The following ANKS1B variants were observed in gnomAD, a reference collection of about 807,000 sequenced individuals.
ANKS1B encodes ankyrin repeat and sterile alpha motif domain containing 1B, also known as ankyrin repeat and sterile alpha motif domain-containing protein 1B.
In ANKS1B, 36 loss-of-function variants were observed where a neutral mutation model predicts 148.3. The observed-to-expected ratio is 0.24, with a 90% CI of 0.19 to 0.32. The LOEUF (loss-of-function observed/expected upper bound fraction) is 0.32, where lower values mean the gene tolerates loss of function less well. ANKS1B is among the 10% of genes least tolerant of loss of function. The pLI is 1.00. For synonymous variants in ANKS1B, 542 were observed against 560.8 expected (o/e 0.97, Z 0.47); for missense variants, 1,157 against 1,542.6 (o/e 0.75, Z 4.19).
At chr12:99,487,115 A>G (rs1006093228) in intron 10 of ANKS1B, among the ~76,000 whole-genome samples, 10 of 152,220 alleles carry the variant, frequency 6.6e-5, no homozygotes, top group African/African-American at 1.9e-4. Context: ...AGGAAACTTC[A>G]TATCAGCAGA....
chr12:99,554,818 A>G (rs548996630), intron 9 of ANKS1B, among the ~76,000 whole-genome samples: 1 of 152,200 alleles, frequency 6.6e-6, no homozygotes, highest in East Asian at 1.9e-4. Flanking sequence ...TTAATATCCA[A>G]TTGGTAGTTT....
chr12:99,234,122 C>T (rs1244197984), intron 14 of ANKS1B, among the ~76,000 whole-genome samples: 1 of 152,090 alleles, frequency 6.6e-6, no homozygotes, highest in Non-Finnish European at 1.5e-5. Context: ...AGGCATAGCA[C>T]TTGACTTAGT....
intron 1 of ANKS1B, among the ~76,000 whole-genome samples, chr12:99,944,759 C>A (rs949294651): frequency 7.9e-5 from 12 of 152,124 alleles, no homozygotes; most frequent in African/African-American, 2.7e-4. Flanking sequence ...AGAATGATAC[C>A]TAGAAATATT....
intron 17 of ANKS1B, among the ~76,000 whole-genome samples, chr12:98,892,445 C>A (rs573686985): frequency 6.6e-6 from 1 of 152,264 alleles, no homozygotes; most frequent in African/African-American, 2.4e-5. Context: ...TCAATTTATA[C>A]CCTATTTCGA....
At chr12:99,109,400 T>C (rs2059846838) in intron 15 of ANKS1B, among the ~76,000 whole-genome samples, 1 of 151,874 alleles carries the variant, frequency 6.6e-6, no homozygotes, top group Admixed American at 6.6e-5. Context: ...TGCAGCAGAG[T>C]ATGGCAGAAC....
At chr12:99,389,042 A>T (rs536235634) in intron 12 of ANKS1B, among the ~76,000 whole-genome samples, 1 of 152,322 alleles carries the variant, frequency 6.6e-6, no homozygotes, top group East Asian at 1.9e-4. Context: ...ACTCAAAAGA[A>T]GGACCTCACA....
intron 1 of ANKS1B, among the ~76,000 whole-genome samples, chr12:99,928,371 C>T (rs986608494): frequency 6.6e-6 from 1 of 150,424 alleles, no homozygotes; most frequent in Non-Finnish European, 1.5e-5. Context: ...CTCCGCTTCC[C>T]GGGTTCACGC....
chr12:98,735,739 A>AACAC (rs2153347255), intron 9 of ANKS1B: 1 of 540,874 alleles, frequency 1.8e-6, no homozygotes, highest in Non-Finnish European at 3.5e-6. Flanking sequence ...AGGTATTGGG[A>AACAC]ACACAGGAGT....
chr12:99,267,493 G>T (rs1268151956), intron 12 of ANKS1B, among the ~76,000 whole-genome samples: 2 of 152,030 alleles, frequency 1.3e-5, no homozygotes, highest in Admixed American at 6.6e-5. Context: ...AAATATAATA[G>T]GATAATCTGT....
At chr12:99,282,839 A>G (rs1006353803) in intron 12 of ANKS1B, among the ~76,000 whole-genome samples, 1 of 152,220 alleles carries the variant, frequency 6.6e-6, no homozygotes, top group Admixed American at 6.5e-5. Flanking sequence ...CCTACTAGAC[A>G]TTCAAATGGA....
At chr12:99,398,644 G>A (rs2094318981) in intron 12 of ANKS1B, among the ~76,000 whole-genome samples, 1 of 152,116 alleles carries the variant, frequency 6.6e-6, no homozygotes, top group African/African-American at 2.4e-5. Flanking sequence ...TTCCCTGTGA[G>A]CTTGGCTGCT....
At chr12:99,046,522 G>A (rs1025790558) in intron 17 of ANKS1B, among the ~76,000 whole-genome samples, 30 of 151,836 alleles carry the variant, frequency 2.0e-4, no homozygotes, top group African/African-American at 6.3e-4. Context: ...AAGTCTGGCC[G>A]GGTGCGGTGG....
At chr12:99,207,923 G>C (rs2082881370) in intron 14 of ANKS1B, among the ~76,000 whole-genome samples, 1 of 151,824 alleles carries the variant, frequency 6.6e-6, no homozygotes. Flanking sequence ...ACTCTATAAG[G>C]GTGATCAAGC....
intron 8 of ANKS1B, among the ~76,000 whole-genome samples, chr12:99,694,411 C>T (rs1177620009): frequency 6.6e-6 from 1 of 150,792 alleles, no homozygotes; most frequent in East Asian, 2.0e-4. Flanking sequence ...TACACTCCAG[C>T]CTGGGTGACA....
chr12:99,369,149 T>C (rs1223718247), intron 12 of ANKS1B, among the ~76,000 whole-genome samples: 1 of 152,190 alleles, frequency 6.6e-6, no homozygotes, highest in African/African-American at 2.4e-5. Flanking sequence ...AAATTTAGCA[T>C]GACCAATAGA....
intron 17 of ANKS1B, chr12:98,895,169 C>T: frequency 1.0e-6 from 1 of 984,928 alleles, no homozygotes; most frequent in Non-Finnish European, 1.2e-6. Flanking sequence ...GCGATGCGGG[C>T]CCAGGCGCGG....
chr12:99,247,351 T>C (rs2073998337), intron 12 of ANKS1B, among the ~76,000 whole-genome samples: 1 of 152,170 alleles, frequency 6.6e-6, no homozygotes, highest in Non-Finnish European at 1.5e-5. Flanking sequence ...AAAAAAGGTA[T>C]TATTAAAAGT....
chr12:99,070,899 A>G (rs1313547726), intron 16 of ANKS1B, among the ~76,000 whole-genome samples: 2 of 152,154 alleles, frequency 1.3e-5, no homozygotes, highest in African/African-American at 4.8e-5. Flanking sequence ...TCCTTCCCTC[A>G]CGCGATCCTC....
intron 1 of ANKS1B, among the ~76,000 whole-genome samples, chr12:99,936,744 T>A (rs985846246): frequency 6.6e-6 from 1 of 152,208 alleles, no homozygotes; most frequent in African/African-American, 2.4e-5. Flanking sequence ...AGCCTCTTTA[T>A]TACTTTTTTC....
Sources: allele counts gnomAD v4.1 joint callset (sites outside exome capture counted in the v4.1 genomes callset), GRCh38; gene constraint gnomAD v4.1.1; transcripts MANE v1.5; gene names NCBI Gene and HGNC (gene_info 2026-07-23, HGNC 2026-07-21).